TTC28: variants seen among roughly 807,000 people sequenced by gnomAD.
TTC28 encodes tetratricopeptide repeat domain 28, also known as tetratricopeptide repeat protein 28.
In TTC28, 61 loss-of-function variants were observed where a neutral mutation model predicts 198.0. The ratio of observed to expected loss-of-function variants is 0.31; its 90% confidence interval spans 0.25 to 0.38. TTC28 has a LOEUF of 0.38. TTC28 is among the 10% of genes least tolerant of loss of function. The probability of loss-of-function intolerance (pLI) is 1.00; values close to 1 mark genes in which losing one functional copy is unlikely to be tolerated. For missense variants in TTC28, 2,678 were observed against 3,164.0 expected (o/e 0.85, Z 3.69); for synonymous variants, 1,171 against 1,297.8 (o/e 0.90, Z 2.10).
At chr22:28,617,862 T>C (rs1226436078) in intron 2 of TTC28, among the ~76,000 whole-genome samples, 3 of 152,198 alleles carry the variant, frequency 2.0e-5, no homozygotes, top group Admixed American at 6.5e-5. Flanking sequence ...GAGACTGTCC[T>C]AGATATTCTA....
At chr22:28,548,657 C>T (rs1236594550) in intron 2 of TTC28, among the ~76,000 whole-genome samples, 1 of 152,204 alleles carries the variant, frequency 6.6e-6, no homozygotes, top group Non-Finnish European at 1.5e-5. Flanking sequence ...AAGCATTCAG[C>T]AGATCAGTTT....
chr22:28,208,479 C>T (rs2147171365), intron 5 of TTC28, among the ~76,000 whole-genome samples: 1 of 152,280 alleles, frequency 6.6e-6, no homozygotes, highest in South Asian at 2.1e-4. Context: ...TAAGTCTCAA[C>T]AGTTTCTAAC....
At chr22:28,420,141 T>C (rs1039723013) in intron 2 of TTC28, among the ~76,000 whole-genome samples, 2 of 152,190 alleles carry the variant, frequency 1.3e-5, no homozygotes, top group Non-Finnish European at 2.9e-5. Context: ...TAGACTTTGT[T>C]TTAATTATAA....
At chr22:28,467,147 A>C (rs772638677) in intron 2 of TTC28, among the ~76,000 whole-genome samples, 62 of 152,356 alleles carry the variant, frequency 4.1e-4, no homozygotes, top group Middle Eastern at 3.4e-3. Context: ...CTTACCAGGC[A>C]TGGTGGCTCA....
At chr22:28,641,454 A>G (rs2051364511) in intron 1 of TTC28, among the ~76,000 whole-genome samples, 1 of 152,238 alleles carries the variant, frequency 6.6e-6, no homozygotes, top group Admixed American at 6.5e-5. Context: ...AAATCTCCAT[A>G]GTAGACAAAT....
chr22:28,299,682 C>G (rs2044977585), intron 3 of TTC28, among the ~76,000 whole-genome samples: 1 of 152,072 alleles, frequency 6.6e-6, no homozygotes, highest in South Asian at 2.1e-4. Context: ...GGCCAATTAG[C>G]AGAAACAAAA....
intron 2 of TTC28, among the ~76,000 whole-genome samples, chr22:28,407,893 T>C (rs973724439): frequency 4.6e-5 from 7 of 152,222 alleles, no homozygotes; most frequent in Non-Finnish European, 1.5e-5. Flanking sequence ...AGGAATTAAA[T>C]CGAATGTCAT....
At chr22:28,309,537 C>A (rs1427255924) in intron 2 of TTC28, among the ~76,000 whole-genome samples, 1 of 152,188 alleles carries the variant, frequency 6.6e-6, no homozygotes, top group Non-Finnish European at 1.5e-5. Context: ...TTGATGTGAC[C>A]TGCCAATAGC....
chr22:28,100,891 G>C (rs773397867), intron 9 of TTC28, among the ~76,000 whole-genome samples: 14 of 152,120 alleles, frequency 9.2e-5, no homozygotes, highest in Non-Finnish European at 1.8e-4. Context: ...TGTTTTACTT[G>C]TCATGAGATG....
At chr22:28,368,091 A>C (rs1481623166) in intron 2 of TTC28, among the ~76,000 whole-genome samples, 1 of 152,076 alleles carries the variant, frequency 6.6e-6, no homozygotes, top group East Asian at 1.9e-4. Flanking sequence ...CCAAAACCAA[A>C]GACACATCAA....
chr22:28,028,549 C>T (rs1938933876), intron 13 of TTC28, among the ~76,000 whole-genome samples: 1 of 152,170 alleles, frequency 6.6e-6, no homozygotes. Context: ...GGAGTGCCTG[C>T]AACCAGGTCA....
intron 5 of TTC28, among the ~76,000 whole-genome samples, chr22:28,168,450 C>G (rs1270391290): frequency 6.6e-6 from 1 of 152,198 alleles, no homozygotes; most frequent in African/African-American, 2.4e-5. Flanking sequence ...ACCAAAACAG[C>G]ATGGTACTGG....
At position 28,615,449 on chromosome 22, in the gene TTC28, G is replaced by A. The variant is rs185801225; in HGVS notation, c.381+14103C>T. Among the ~76,000 whole-genome samples the A allele has an allele frequency of 3.9e-5, 6 of 152,284 alleles. No individual in the cohort carries two copies. In the East Asian group the frequency reaches 9.6e-4, roughly 24 times the overall value. On this transcript the variant is annotated intron_variant, in intron 2 of 22. Coordinates refer to ENST00000397906, the MANE Select transcript of TTC28 (RefSeq NM_001145418.2). ...TTTGACCCAGCCATCCCATTACTGG[G>A]TATATACCCAAAGGATTATAAATCA...
intron 2 of TTC28, among the ~76,000 whole-genome samples, chr22:28,319,723 T>C (rs1232807042): frequency 3.3e-5 from 5 of 152,216 alleles, no homozygotes; most frequent in Non-Finnish European, 4.4e-5. Flanking sequence ...CATTAGCGTA[T>C]TGCTTTGCTC....
At chr22:28,425,500 C>T (rs918107407) in intron 2 of TTC28, among the ~76,000 whole-genome samples, 1 of 152,194 alleles carries the variant, frequency 6.6e-6, no homozygotes, top group Non-Finnish European at 1.5e-5. Context: ...ATGCACGATT[C>T]GCTCCTTGAA....
At chr22:28,465,464 A>G (rs1382985159) in intron 2 of TTC28, among the ~76,000 whole-genome samples, 2 of 152,060 alleles carry the variant, frequency 1.3e-5, no homozygotes, top group Admixed American at 1.3e-4. Context: ...TTTCTACTAA[A>G]AATACAAAAA....
rs573993115 is a variant in TTC28 at position 28,644,597 on chromosome 22, G to A, written c.103-14767C>T. Reference sequence around the variant, plus strand: ...CCCAGCACTTCAGGAGGCCAAGACGGGCAAATCACTTGAGCTCAGGAGTTC... The same window carrying A: ...CCCAGCACTTCAGGAGGCCAAGACGAGCAAATCACTTGAGCTCAGGAGTTC... On this transcript the variant is annotated intron_variant, in intron 1 of 22. Coordinates refer to ENST00000397906, the MANE Select transcript of TTC28 (RefSeq NM_001145418.2). 2.6e-5 allele frequency among the ~76,000 whole-genome samples: 4 copies of A among 152,158 alleles called. No homozygotes were observed. The South Asian group carries it at 8.3e-4, about 32-fold the overall frequency.
intron 2 of TTC28, among the ~76,000 whole-genome samples, chr22:28,574,564 T>C (rs189644919): frequency 8.5e-5 from 13 of 152,364 alleles, no homozygotes; most frequent in African/African-American, 2.6e-4. Flanking sequence ...CTATATCATA[T>C]GGCAATTCTA....
intron 10 of TTC28, among the ~76,000 whole-genome samples, chr22:28,097,600 AG>A (rs1942015594): frequency 6.6e-6 from 1 of 152,372 alleles, no homozygotes; most frequent in Non-Finnish European, 1.5e-5. Flanking sequence ...ATTGTTTATA[AG>A]TGCTGAAGGA....
Sources: allele counts gnomAD v4.1 joint callset (sites outside exome capture counted in the v4.1 genomes callset), GRCh38; gene constraint gnomAD v4.1.1; transcripts MANE v1.5; gene names NCBI Gene and HGNC (gene_info 2026-07-23, HGNC 2026-07-21).